Variants in TRIM17 observed in about 807,000 individuals in gnomAD.
The protein encoded by TRIM17 is E3 ubiquitin-protein ligase TRIM17.
A neutral mutation model predicts 35.8 loss-of-function variants in TRIM17; 27 were observed. That is an observed-to-expected ratio of 0.75 (90% CI 0.56 to 1.04). The LOEUF is 1.04. TRIM17 is among the 50% of genes least tolerant of loss of function. The pLI is 0.00. For synonymous variants in TRIM17, 246 were observed against 252.6 expected (o/e 0.97, Z 0.25); for missense variants, 582 against 612.8 (o/e 0.95, Z 0.53).
At chr1:228,409,297 G>T in intron 5 of TRIM17, 22 bp from the exon 6 acceptor site, 2 of 1,612,254 alleles carry the variant, frequency 1.2e-6, no homozygotes, top group Non-Finnish European at 1.7e-6. Flanking sequence ...ACACACAGGG[G>T]AGTCTTATTG....
Position 228,410,188 on chromosome 1 carries a change from C to T in TRIM17, c.756+758G>A, listed in dbSNP as rs1435074258. Among the ~76,000 whole-genome samples, 2 of 151,750 alleles carry T rather than the reference C, an allele frequency of 1.3e-5. No individual in the cohort carries two copies. The highest frequency in any genetic ancestry group is 1.5e-5 in the Non-Finnish European group (1 of 67,932). Reference sequence around the variant, plus strand: ...ATAGCTCACTACAGCCTTGAACTCACGGGCTCAAGCAGTCTTCCTGCCTCA... The same window carrying T: ...ATAGCTCACTACAGCCTTGAACTCATGGGCTCAAGCAGTCTTCCTGCCTCA... On this transcript the variant is annotated intron_variant, in intron 4 of 6. Coordinates refer to ENST00000366698, the MANE Select transcript of TRIM17 (RefSeq NM_016102.4). The surrounding 1 kb of genome is among the most constrained non-coding windows in gnomAD (Gnocchi z 4.6).
chr1:228,415,751 A>G (rs533161576), intron 1 of TRIM17: 2 of 152,960 alleles, frequency 1.3e-5, no homozygotes, highest in East Asian at 1.9e-4. Context: ...ACGCGTGTGC[A>G]TGTACGCACA....
chr1:228,409,012 G>A (rs761999638), intron 6 of TRIM17, 160 bp downstream of exon 6: 5 of 1,577,462 alleles, frequency 3.2e-6, no homozygotes, highest in Non-Finnish European at 4.3e-6. Flanking sequence ...AGAACCACCA[G>A]TAACGCCGCC....
chr1:228,409,466 A>G (rs1022019951), intron 4 of TRIM17, 55 bp from the exon 5 acceptor site: 2 of 1,454,120 alleles, frequency 1.4e-6, no homozygotes, highest in Non-Finnish European at 1.8e-6. Context: ...GGCTCACCTC[A>G]ATGTCCCTGC....
At chr1:228,413,402 A>G (rs1656893760) in intron 3 of TRIM17, among the ~76,000 whole-genome samples, 1 of 151,598 alleles carries the variant, frequency 6.6e-6, no homozygotes, top group African/African-American at 2.4e-5. Flanking sequence ...GTGCTGACCT[A>G]CGCCCCTGCC....
At position 228,408,212 on chromosome 1, in the gene TRIM17, C is replaced by A; in HGVS notation, c.1423G>T (p.Val475Leu). The stretch of plus-strand genomic sequence containing the variant: ...CCCCCGGTCTGTGTCTATCCTTTCA[C>A]CCACATGGTCACTGTGGAGATGACC... ...QMVISTVTMW[V>L]KG is the part of the protein sequence containing the mutation. Residue 475 changes from valine (V) to leucine (L), a missense_variant, in exon 7 of 7, where the codon GTG (valine) becomes TTG (leucine). Coordinates refer to ENST00000366698, the MANE Select transcript of TRIM17 (RefSeq NM_016102.4). This position sits in a 1 kb window ranked among gnomAD's most constrained non-coding sequence, Gnocchi z 6.3. 6.5e-7 allele frequency: 1 copy of A among 1,528,836 alleles called. No individual in the cohort carries two copies. The highest frequency in any genetic ancestry group is 8.8e-7 in the Non-Finnish European group (1 of 1,139,252). 94.7% of individuals were successfully genotyped at this position (1,528,836 alleles called of 1,614,324 possible).
chr1:228,407,979 C>A lies in TRIM17; in HGVS notation c.*222G>T, dbSNP rs754573155. ...GATTTAGAAATCGGTCCACTCAGAA[C>A]GCAGGGGCTTTCAAAAGTTTCCTCT... is the stretch of plus-strand genomic sequence containing the variant. On this transcript the variant is annotated 3_prime_UTR_variant, in exon 7 of 7. Coordinates refer to ENST00000366698, the MANE Select transcript of TRIM17 (RefSeq NM_016102.4). 2.2e-5 allele frequency: 9 copies of A among 401,878 alleles called. 1 individual carries two copies. Among genetic ancestry groups the A allele is most frequent in the Middle Eastern group, 1.3e-3 (2 of 1,544 alleles). The allele number at this position is 401,878 out of a possible 1,614,324, so 24.9% of individuals were successfully genotyped here.
chr1:228,409,189 A>T lies in TRIM17; in HGVS notation c.866T>A (p.Val289Glu). 3 of 1,613,930 alleles carry T rather than the reference A, an allele frequency of 1.9e-6. No individual in the cohort carries two copies. The East Asian group carries it at 6.7e-5, about 36-fold the overall frequency. Residue 289 changes from valine (V) to glutamate (E), a missense_variant, in exon 6 of 7, where the codon GTG (valine) becomes GAG (glutamate). Transcript: ENST00000366698. The stretch of plus-strand genomic sequence containing the variant: ...CCACTTACCTAGAAAGCCTCTTAGC[A>T]CTTCAATCTGTCCGGGAACTCTGCA... ...TVCRVPGQIE[V>E]LRGFLEDVVP... is the part of the protein sequence containing the mutation.
Position 228,410,997 on chromosome 1 carries a change from C to T in TRIM17, c.705G>A (p.Leu235=), listed in dbSNP as rs1474241339. 6.2e-7 allele frequency: 1 copy of T among 1,607,788 alleles called. No homozygotes were observed. The highest frequency in any genetic ancestry group is 1.3e-5 in the African/African-American group (1 of 74,782). The change falls in exon 4 of 7, where the codon CTG becomes CTA. Residue 235 remains leucine (L), a synonymous_variant. Transcript: ENST00000366698. This position sits in a 1 kb window ranked among gnomAD's most constrained non-coding sequence, Gnocchi z 4.6. ...LDRQGHSLEL[L]LLQLEERSTQ... ...TGCTCCGCTCCTCCAGCTGCAGCAG[C>T]AGCAGCTCCAGAGAGTGACCCTGCC...
At chr1:228,413,502 G>A (rs1378828044) in intron 3 of TRIM17, among the ~76,000 whole-genome samples, 1 of 151,956 alleles carries the variant, frequency 6.6e-6, no homozygotes, top group East Asian at 1.9e-4. Flanking sequence ...TGCCTCCTTT[G>A]TGGTACTGAG....
rs1281489894 is a variant in TRIM17, at chr1:228,411,265, C to G, written c.526-89G>C. On this transcript the variant is annotated intron_variant, in intron 3 of 6. Coordinates refer to ENST00000366698, the MANE Select transcript of TRIM17 (RefSeq NM_016102.4). The surrounding 1 kb of genome is among the most constrained non-coding windows in gnomAD (Gnocchi z 4.2). The stretch of plus-strand genomic sequence containing the variant: ...CTCTCCCCAGGGCCCTGGTGACCCA[C>G]AAGATCACCAGCAACTGGAGCTTTA... The G allele has an allele frequency of 4.7e-6, 5 of 1,058,140 alleles. No individual in the cohort carries two copies. The highest frequency in any genetic ancestry group is 6.9e-6 in the Non-Finnish European group (5 of 725,650). The allele number at this position is 1,058,140 out of a possible 1,614,324, so 65.5% of individuals were successfully genotyped here.
At position 228,416,547 on chromosome 1, in the gene TRIM17, A is replaced by G. The variant is rs538851; in HGVS notation, c.-50T>C. ...GGGTGGGGGCTACTCACCGCGGGGA[A>G]GGGGGGCCCGCACAGCGCCTAGTGC... On this transcript the variant is annotated 5_prime_UTR_variant, in exon 1 of 7. Coordinates refer to ENST00000366698, the MANE Select transcript of TRIM17 (RefSeq NM_016102.4). The G allele has an allele frequency of 0.12, 115,477 of 984,744 alleles. 13,309 individuals are homozygous for G. Among genetic ancestry groups the G allele is most frequent in the African/African-American group, 0.56 (31,867 of 57,124 alleles). 61.0% of individuals were successfully genotyped at this position (984,744 alleles called of 1,614,324 possible).
rs146366278 is a variant in TRIM17, at chr1:228,412,485, G to A, written c.526-1309C>T. 4.7e-3 allele frequency among the ~76,000 whole-genome samples: 713 copies of A among 151,966 alleles called. 4 individuals carry two copies. The highest frequency in any genetic ancestry group is 0.016 in the African/African-American group (679 of 41,406). ...CAAATAAATCTTTTCTCTTAGCTGG[G>A]TGCAGTGGCTAACGCCTGTAATCCC... On this transcript the variant is annotated intron_variant, in intron 3 of 6. Coordinates refer to ENST00000366698, the MANE Select transcript of TRIM17 (RefSeq NM_016102.4).
chr1:228,408,059 T>C lies in TRIM17; in HGVS notation c.*142A>G. 1 of 731,628 alleles carries C rather than the reference T, an allele frequency of 1.4e-6. No homozygotes were observed. The highest frequency in any genetic ancestry group is 2.4e-5 in the South Asian group (1 of 41,768). The allele number at this position is 731,628 out of a possible 1,614,324, so 45.3% of individuals were successfully genotyped here. On this transcript the variant is annotated 3_prime_UTR_variant, in exon 7 of 7. Coordinates refer to ENST00000366698, the MANE Select transcript of TRIM17 (RefSeq NM_016102.4). The surrounding 1 kb of genome is among the most constrained non-coding windows in gnomAD (Gnocchi z 6.3). ...TGTTTGACAGTTCTAATCACAATTA[T>C]ATTTAGAATTTGAGAAACCCCCCTG...
intron 2 of TRIM17, 123 bp from the exon 3 acceptor site, chr1:228,414,015 CA>C (rs1574100734): frequency 1.4e-6 from 1 of 731,218 alleles, no homozygotes; most frequent in East Asian, 2.6e-5. Context: ...GGCAGGGGAT[CA>C]AAATACGTCA....
intron 1 of TRIM17, chr1:228,416,285 G>A: frequency 2.1e-6 from 2 of 973,212 alleles, no homozygotes; most frequent in Non-Finnish European, 2.4e-6. Context: ...CACCCTGACC[G>A]AAGCCGGGCA....
At chr1:228,414,057 G>C (rs916252760) in intron 2 of TRIM17, among the ~76,000 whole-genome samples, 165 bp from the exon 3 acceptor site, 1 of 152,244 alleles carries the variant, frequency 6.6e-6, no homozygotes, top group African/African-American at 2.4e-5. Context: ...ATTATTTTGA[G>C]CTGAAGGCAC....
intron 3 of TRIM17, among the ~76,000 whole-genome samples, chr1:228,412,217 A>G (rs1301848271): frequency 1.3e-5 from 2 of 152,042 alleles, no homozygotes; most frequent in East Asian, 3.9e-4. Flanking sequence ...CTTCAAGTGG[A>G]CCTGTCCCAG....
Position 228,414,779 on chromosome 1 carries a change from C to G in TRIM17, c.294G>C (p.Leu98=), listed in dbSNP as rs376688761. The G allele has an allele frequency of 2.4e-5, 38 of 1,613,072 alleles. No homozygotes were observed. Among genetic ancestry groups the G allele is most frequent in the Non-Finnish European group, 3.2e-5 (38 of 1,180,054 alleles). ...QQHPGLQKQD[L]CQEHHEPLKL... is the part of the protein sequence containing the mutation. ...TGAGGGGCTCGTGGTGCTCCTGGCA[C>G]AGGTCTTGCTTCTGCAGACCAGGAT... Residue 98 remains leucine (L), a synonymous_variant, in exon 2 of 7, where the codon CTG becomes CTC. Transcript: ENST00000366698.
Sources: gnomAD v4.1 joint callset for allele counts (sites outside exome capture counted in the v4.1 genomes callset) on GRCh38, gnomAD v4.1.1 for gene constraint, Gnocchi (gnomAD v3.1) non-coding constraint, MANE v1.5 for transcripts, NCBI Gene and HGNC (gene_info 2026-07-23, HGNC 2026-07-21) for gene names.